SFXN5: variants seen among roughly 807,000 people sequenced by gnomAD.
SFXN5 encodes sideroflexin-5.
In SFXN5, 43 loss-of-function variants were observed where a neutral mutation model predicts 50.2. The observed-to-expected ratio is 0.86, with a 90% CI of 0.67 to 1.11. The LOEUF is 1.11. Ranked by LOEUF, SFXN5 falls within the 50% of genes least tolerant of loss-of-function variation. The pLI is 0.00. For missense variants in SFXN5, 463 were observed against 454.1 expected (o/e 1.02, Z -0.18); for synonymous variants, 203 against 185.8 (o/e 1.09, Z -0.75).
chr2:73,044,245 C>T (rs974128556), intron 2 of SFXN5, among the ~76,000 whole-genome samples: 16 of 152,200 alleles, frequency 1.1e-4, no homozygotes, highest in African/African-American at 2.9e-4. Flanking sequence ...GCATGGGTTG[C>T]GGGAGAACAA....
At chr2:72,982,202 T>C (rs529313176) in intron 10 of SFXN5, among the ~76,000 whole-genome samples, 3 of 152,176 alleles carry the variant, frequency 2.0e-5, no homozygotes, top group Non-Finnish European at 4.4e-5. Context: ...ATCCATTTTA[T>C]AGACGGGGCC....
At chr2:73,022,479 G>C in intron 5 of SFXN5, 43 bp downstream of exon 5, 1 of 1,493,410 alleles carries the variant, frequency 6.7e-7, no homozygotes, top group Non-Finnish European at 9.3e-7. Flanking sequence ...ACTGGAGTAA[G>C]CACCCCAGGC....
At chr2:73,068,170 G>T (rs944541386) in intron 1 of SFXN5, among the ~76,000 whole-genome samples, 2 of 152,306 alleles carry the variant, frequency 1.3e-5, no homozygotes, top group Non-Finnish European at 2.9e-5. Context: ...AATAAGGAAA[G>T]ACCTTGGTAA....
At chr2:72,946,046 A>G (rs1671894524) in intron 13 of SFXN5, among the ~76,000 whole-genome samples, 1 of 151,828 alleles carries the variant, frequency 6.6e-6, no homozygotes, top group Non-Finnish European at 1.5e-5. Flanking sequence ...GTGTCCATGC[A>G]TGGCTTTCCA....
intron 2 of SFXN5, among the ~76,000 whole-genome samples, chr2:73,044,881 C>T (rs1414611126): frequency 6.6e-6 from 1 of 152,214 alleles, no homozygotes; most frequent in Non-Finnish European, 1.5e-5. Context: ...AGAATTTGAA[C>T]AGAGGAGAAT....
Position 73,012,089 on chromosome 2 carries a change from GATAA to G in SFXN5, c.357+8146_357+8149del, listed in dbSNP as rs1675572649. On this transcript the variant is annotated intron_variant, in intron 6 of 13. Transcript: ENST00000272433. Reference sequence around the variant, plus strand: ...TGCTAAGTGTCATAAGCTAACCATAGATAAATAAGTATATTGTTATATTTTAATG... The same window carrying G: ...TGCTAAGTGTCATAAGCTAACCATAGATAAGTATATTGTTATATTTTAATG... Among the ~76,000 whole-genome samples the G allele has an allele frequency of 2.6e-5, 4 of 152,232 alleles. No homozygotes were observed. The South Asian group carries it at 8.3e-4, about 32-fold the overall frequency.
intron 3 of SFXN5, among the ~76,000 whole-genome samples, chr2:73,035,560 T>C (rs936787056): frequency 5.0e-4 from 75 of 149,014 alleles, no homozygotes; most frequent in African/African-American, 1.8e-3. Context: ...AGTGCAGTGC[T>C]GTGATCTCGG....
chr2:73,071,515 G>A (rs1683621591), intron 1 of SFXN5, 89 bp downstream of exon 1: 8 of 1,246,330 alleles, frequency 6.4e-6, no homozygotes, highest in Admixed American at 2.3e-5. Flanking sequence ...GCGGGTGGGA[G>A]ACCCTTGGGC....
chr2:72,970,838 C>T (rs1314220589), intron 11 of SFXN5, among the ~76,000 whole-genome samples: 2 of 152,106 alleles, frequency 1.3e-5, no homozygotes, highest in African/African-American at 4.8e-5. Context: ...TAGGTGCCCG[C>T]CACCACGCCT....
At chr2:73,017,125 C>T (rs576697996) in intron 6 of SFXN5, among the ~76,000 whole-genome samples, 6 of 152,108 alleles carry the variant, frequency 3.9e-5, no homozygotes, top group Admixed American at 2.0e-4. Flanking sequence ...AACCATCGTA[C>T]GTCAGACACA....
chr2:72,988,396 G>C, intron 9 of SFXN5, 48 bp from the exon 10 acceptor site: 1 of 1,543,396 alleles, frequency 6.5e-7, no homozygotes, highest in Non-Finnish European at 8.9e-7. Context: ...TGATGCTGCA[G>C]TGGCTTGTGG....
chr2:72,989,496 A>G (rs916176304), intron 9 of SFXN5, among the ~76,000 whole-genome samples: 2 of 152,104 alleles, frequency 1.3e-5, no homozygotes, highest in African/African-American at 4.8e-5. Flanking sequence ...AAGCTATATA[A>G]TCATGATGTC....
In SFXN5 at chr2:72,943,796, T is replaced by C. The variant is rs1671663079; in HGVS notation, c.*1226A>G. The C allele has an allele frequency of 6.6e-6, 1 of 152,640 alleles. No homozygotes were observed. Among genetic ancestry groups the C allele is most frequent in the Non-Finnish European group, 1.5e-5 (1 of 68,080 alleles). 9.5% of individuals were successfully genotyped at this position (152,640 alleles called of 1,614,324 possible). On this transcript the variant is annotated 3_prime_UTR_variant, in exon 14 of 14. Transcript: ENST00000272433. Reference sequence around the variant, plus strand: ...CAGTCCAGAGTCCACACTGGGGACATGCCCAGGATGACCAGCATCTGAGCA... The same window carrying C: ...CAGTCCAGAGTCCACACTGGGGACACGCCCAGGATGACCAGCATCTGAGCA...
In SFXN5 at chr2:72,971,698, G is replaced by C; in HGVS notation, c.626-13C>G. On this transcript the variant is annotated splice_polypyrimidine_tract_variant and intron_variant, in intron 10 of 13. Transcript: ENST00000272433. ...ATATTGGCACTGGCTGCAGAGAGAGGGGATGCAGAGAGCAGGATGAGGAGG... is the reference window on the plus strand; with the variant it reads ...ATATTGGCACTGGCTGCAGAGAGAGCGGATGCAGAGAGCAGGATGAGGAGG... The C allele has an allele frequency of 6.3e-7, 1 of 1,598,008 alleles. No homozygotes were observed. The highest frequency in any genetic ancestry group is 8.6e-7 in the Non-Finnish European group (1 of 1,165,572).
intron 11 of SFXN5, among the ~76,000 whole-genome samples, chr2:72,969,170 G>C (rs1417833959): frequency 6.6e-6 from 1 of 152,094 alleles, no homozygotes; most frequent in Non-Finnish European, 1.5e-5. Context: ...GCCACACGTG[G>C]GGAACACTCA....
chr2:72,996,299 C>T (rs1409622091), intron 9 of SFXN5, among the ~76,000 whole-genome samples: 1 of 152,130 alleles, frequency 6.6e-6, no homozygotes, highest in East Asian at 1.9e-4. Context: ...CGTGAGGCCC[C>T]AGCCCCTGCC....
intron 10 of SFXN5, among the ~76,000 whole-genome samples, chr2:72,984,659 C>T (rs569835685): frequency 6.6e-6 from 1 of 152,300 alleles, no homozygotes; most frequent in African/African-American, 2.4e-5. Context: ...AGGAGAGAGG[C>T]TTGCTAGGGA....
chr2:72,965,614 T>C (rs528024592), intron 12 of SFXN5, among the ~76,000 whole-genome samples: 12 of 152,196 alleles, frequency 7.9e-5, no homozygotes, highest in African/African-American at 2.9e-4. Flanking sequence ...AGCCTGCCCA[T>C]CTGTATGCTC....
Position 72,961,095 on chromosome 2 carries a change from C to CTGCCA in SFXN5, c.945+35_945+36insTGGCA. On this transcript the variant is annotated intron_variant, in intron 13 of 13. Transcript: ENST00000272433. This position sits in a 1 kb window ranked among gnomAD's most constrained non-coding sequence, Gnocchi z 4.4. ...TTCAGAAATCACCAAACAGCACCCCCTGCCCTGCCCTGCCCTTGAGCCCCT... is the reference window on the plus strand; with the variant it reads ...TTCAGAAATCACCAAACAGCACCCCCTGCCATGCCCTGCCCTGCCCTTGAGCCCCT... The CTGCCA allele has an allele frequency of 7.8e-7, 1 of 1,274,638 alleles. No individual in the cohort carries two copies. Among genetic ancestry groups the CTGCCA allele is most frequent in the Non-Finnish European group, 1.0e-6 (1 of 987,484 alleles). 79.0% of individuals were successfully genotyped at this position (1,274,638 alleles called of 1,614,324 possible).
Sources: gnomAD v4.1 joint callset for allele counts (sites outside exome capture counted in the v4.1 genomes callset) on GRCh38, gnomAD v4.1.1 for gene constraint, Gnocchi (gnomAD v3.1) non-coding constraint, MANE v1.5 for transcripts, NCBI Gene and HGNC (gene_info 2026-07-23, HGNC 2026-07-21) for gene names.